SIPA1L3: variants seen among roughly 807,000 people sequenced by gnomAD.
SIPA1L3 encodes signal-induced proliferation-associated 1-like protein 3.
In SIPA1L3, 59 loss-of-function variants were observed where a neutral mutation model predicts 150.1. That is an observed-to-expected ratio of 0.39 (90% CI 0.32 to 0.49). The LOEUF (loss-of-function observed/expected upper bound fraction) is 0.49, where lower values mean the gene tolerates loss of function less well. Among genes scored for constraint, SIPA1L3 ranks in the 20% least tolerant of loss-of-function variants. SIPA1L3 has a pLI of 0.86. For synonymous variants in SIPA1L3, 1,070 were observed against 1,077.6 expected (o/e 0.99, Z 0.14); for missense variants, 2,211 against 2,489.5 (o/e 0.89, Z 2.38).
intron 2 of SIPA1L3, among the ~76,000 whole-genome samples, chr19:38,039,122 A>G (rs1222273022): frequency 6.6e-6 from 1 of 152,020 alleles, no homozygotes; most frequent in Non-Finnish European, 1.5e-5. Flanking sequence ...AGCTCAGACA[A>G]TCCACCTGCC....
At chr19:38,109,737 G>GTTCT (rs1177666002) in intron 7 of SIPA1L3, 1 of 164,966 alleles carries the variant, frequency 6.1e-6, no homozygotes, top group African/African-American at 2.4e-5. Flanking sequence ...CAAAATCCCT[G>GTTCT]TTCTCATGGA....
chr19:38,083,121 G>A (rs1184710223), intron 3 of SIPA1L3, 22 bp downstream of exon 3: 1 of 1,593,788 alleles, frequency 6.3e-7, no homozygotes, highest in South Asian at 1.1e-5. Context: ...CGTGTGGGTG[G>A]GAAGGTTGGG....
chr19:38,204,015 C>T, intron 20 of SIPA1L3, 112 bp from the exon 21 acceptor site: 1 of 799,714 alleles, frequency 1.3e-6, no homozygotes. Context: ...TCAGGCTTTG[C>T]TAGAATGTCA....
At chr19:38,158,377 A>G (rs746440338) in intron 13 of SIPA1L3, among the ~76,000 whole-genome samples, 4 of 152,238 alleles carry the variant, frequency 2.6e-5, no homozygotes, top group Non-Finnish European at 5.9e-5. Context: ...GGGAAAGTGA[A>G]CAGCTAGTTG....
intron 1 of SIPA1L3, among the ~76,000 whole-genome samples, chr19:38,017,056 C>G (rs973013819): frequency 5.3e-5 from 8 of 150,730 alleles, no homozygotes; most frequent in East Asian, 2.0e-4. Flanking sequence ...ACGATCACAC[C>G]TGGCTAATTT....
chr19:38,084,933 C>T (rs565272642), intron 3 of SIPA1L3, among the ~76,000 whole-genome samples: 2 of 152,118 alleles, frequency 1.3e-5, no homozygotes, highest in South Asian at 2.1e-4. Flanking sequence ...AGCCACCATG[C>T]CCAGCTCACA....
intron 18 of SIPA1L3, among the ~76,000 whole-genome samples, chr19:38,196,653 G>A (rs1309631483): frequency 1.3e-5 from 2 of 151,494 alleles, no homozygotes; most frequent in African/African-American, 4.8e-5. Flanking sequence ...GAGGTCAAGG[G>A]AAGAGCAAGG....
chr19:38,046,839 T>C lies in SIPA1L3; in HGVS notation c.-311+17683T>C, dbSNP rs1249056225. Among the ~76,000 whole-genome samples the C allele has an allele frequency of 6.6e-6, 1 of 152,174 alleles. No individual in the cohort carries two copies. Among genetic ancestry groups the C allele is most frequent in the Non-Finnish European group, 1.5e-5 (1 of 68,034 alleles). On this transcript the variant is annotated intron_variant, in intron 2 of 21. Coordinates refer to ENST00000222345, the MANE Select transcript of SIPA1L3 (RefSeq NM_015073.3). The surrounding 1 kb of genome is among the most constrained non-coding windows in gnomAD (Gnocchi z 5.6). Reference sequence around the variant, plus strand: ...AGCTGCCCGCTCAGAGCAAGGTGGCTCTGATCCTGCAGGAGGGGGCTCTCT... The same window carrying C: ...AGCTGCCCGCTCAGAGCAAGGTGGCCCTGATCCTGCAGGAGGGGGCTCTCT...
chr19:38,028,677 G>C (rs996387944), intron 1 of SIPA1L3, among the ~76,000 whole-genome samples: 1 of 151,690 alleles, frequency 6.6e-6, no homozygotes, highest in African/African-American at 2.4e-5. Context: ...GCACATAGCA[G>C]GTGTTCAGTA....
rs565657892 is a variant in SIPA1L3 at position 38,129,397 on chromosome 19, G to A, written c.2869-1101G>A. ...TCCCAGCACTTTGGGAGGCCGAGGC[G>A]GGCAGATCATGAGGTCAGGAGTTCG... On this transcript the variant is annotated intron_variant, in intron 9 of 21. Transcript: ENST00000222345. Among the ~76,000 whole-genome samples the A allele has an allele frequency of 1.0e-3, 154 of 151,678 alleles. 5 individuals are homozygous for A. The South Asian group carries it at 0.03, about 29-fold the overall frequency.
At chr19:37,947,708 G>A (rs1233321026) in intron 1 of SIPA1L3, among the ~76,000 whole-genome samples, 3 of 152,208 alleles carry the variant, frequency 2.0e-5, no homozygotes, top group Non-Finnish European at 2.9e-5. Context: ...GCACAAAGAG[G>A]TGTCGTTTCT....
intron 18 of SIPA1L3, among the ~76,000 whole-genome samples, chr19:38,195,050 CAA>C (rs1167892035): frequency 7.0e-6 from 1 of 142,268 alleles, no homozygotes; most frequent in Non-Finnish European, 1.5e-5. Context: ...GACTCCATCT[CAA>C]AAAAAAAAAA....
At chr19:37,975,092 G>A (rs1967043481) in intron 1 of SIPA1L3, among the ~76,000 whole-genome samples, 1 of 152,196 alleles carries the variant, frequency 6.6e-6, no homozygotes. Context: ...CTGGGCTGCT[G>A]GACACAGGAA....
At position 38,206,394 on chromosome 19, in the gene SIPA1L3, C is replaced by A; in HGVS notation, c.*154C>A. The A allele has an allele frequency of 1.1e-6, 1 of 922,044 alleles. No homozygotes were observed. The highest frequency in any genetic ancestry group is 1.6e-6 in the Non-Finnish European group (1 of 628,082). The allele number at this position is 922,044 out of a possible 1,614,324, so 57.1% of individuals were successfully genotyped here. A position where few individuals can be genotyped will look rare whatever the true frequency, so the allele number is the denominator to read the frequency against. On this transcript the variant is annotated 3_prime_UTR_variant, in exon 22 of 22. Transcript: ENST00000222345. Reference sequence around the variant, plus strand: ...GGAAACTCCGATGGCCTCACTAGGGCTGTGAGTCAGGGTCAGCGCGCACAG... The same window carrying A: ...GGAAACTCCGATGGCCTCACTAGGGATGTGAGTCAGGGTCAGCGCGCACAG...
chr19:38,203,693 G>T (rs1441230718), intron 20 of SIPA1L3: 2 of 160,000 alleles, frequency 1.3e-5, no homozygotes, highest in African/African-American at 4.8e-5. Context: ...CAGGACCATT[G>T]TTGGTCCTGC....
rs1490211385 is a variant in SIPA1L3 at position 38,046,004 on chromosome 19, C to T, written c.-311+16848C>T. ...TGTGTGCACTTTCAAGCCTTGATGTCCTGACACTCTTCCTCCCCCAGGACA... is the reference window on the plus strand; with the variant it reads ...TGTGTGCACTTTCAAGCCTTGATGTTCTGACACTCTTCCTCCCCCAGGACA... On this transcript the variant is annotated intron_variant, in intron 2 of 21. Transcript: ENST00000222345. This position sits in a 1 kb window ranked among gnomAD's most constrained non-coding sequence, Gnocchi z 5.6. 6.6e-6 allele frequency among the ~76,000 whole-genome samples: 1 copy of T among 152,158 alleles called. No homozygotes were observed. Among genetic ancestry groups the T allele is most frequent in the Non-Finnish European group, 1.5e-5 (1 of 68,026 alleles).
intron 3 of SIPA1L3, among the ~76,000 whole-genome samples, chr19:38,084,635 CTTTTTTTTTTT>C (rs902218818): frequency 9.6e-6 from 1 of 104,500 alleles, no homozygotes; most frequent in Non-Finnish European, 1.9e-5. Context: ...TTTTCTTTTT[CTTTTTTTTTTT>C]TTTTTTTTGA....
chr19:37,951,913 A>G (rs2046768344), intron 1 of SIPA1L3, among the ~76,000 whole-genome samples: 1 of 151,352 alleles, frequency 6.6e-6, no homozygotes, highest in African/African-American at 2.4e-5. Flanking sequence ...AAAAAAAAAA[A>G]AAAGCCCCAC....
intron 2 of SIPA1L3, among the ~76,000 whole-genome samples, chr19:38,062,695 A>G (rs894658674): frequency 1.3e-5 from 2 of 151,988 alleles, no homozygotes; most frequent in Non-Finnish European, 2.9e-5. Context: ...ATCTCAGCGC[A>G]CTGTAACTGC....
Sources: allele counts gnomAD v4.1 joint callset (sites outside exome capture counted in the v4.1 genomes callset), GRCh38; gene constraint gnomAD v4.1.1; non-coding constraint Gnocchi (gnomAD v3.1); transcripts MANE v1.5; gene names NCBI Gene and HGNC (gene_info 2026-07-23, HGNC 2026-07-21).